PRTG: variants seen among roughly 807,000 people sequenced by gnomAD.
PRTG encodes immunoglobulin superfamily, DCC subclass, member 5.
A neutral mutation model predicts 122.5 loss-of-function variants in PRTG; 67 were observed. That is an observed-to-expected ratio of 0.55 (90% CI 0.45 to 0.67). The LOEUF is 0.67. Among genes scored for constraint, PRTG ranks in the 30% least tolerant of loss-of-function variants. The pLI is 0.00. For missense variants in PRTG, 1,435 were observed against 1,415.4 expected, an observed-to-expected ratio of 1.01 and a Z score of -0.22; for synonymous variants, 554 against 501.1, an observed-to-expected ratio of 1.11 and a Z score of -1.41.
At chr15:55,658,764 T>C (rs2059394040) in intron 11 of PRTG, among the ~76,000 whole-genome samples, 1 of 152,216 alleles carries the variant, frequency 6.6e-6, no homozygotes, top group Non-Finnish European at 1.5e-5. Flanking sequence ...TTAGTATGGG[T>C]GTGTTTAACC....
At chr15:55,659,583 A>G (rs562288849) in intron 11 of PRTG, among the ~76,000 whole-genome samples, 1 of 152,254 alleles carries the variant, frequency 6.6e-6, no homozygotes, top group Non-Finnish European at 1.5e-5. Context: ...TGATTTTATT[A>G]ATGTCTATTT....
intron 2 of PRTG, among the ~76,000 whole-genome samples, chr15:55,693,458 GAA>G (rs112499083): frequency 2.4e-5 from 3 of 126,596 alleles, no homozygotes; most frequent in African/African-American, 2.9e-5. Flanking sequence ...CTCCGTCTCA[GAA>G]AAAAAAAAAA....
intron 2 of PRTG, among the ~76,000 whole-genome samples, chr15:55,729,371 G>A (rs1324973091): frequency 6.6e-6 from 1 of 152,114 alleles, no homozygotes; most frequent in Non-Finnish European, 1.5e-5. Flanking sequence ...GGGGAAATGG[G>A]GAGTGACTGC....
intron 2 of PRTG, among the ~76,000 whole-genome samples, chr15:55,735,978 CCA>C (rs1397690578): frequency 2.0e-5 from 3 of 152,080 alleles, no homozygotes; most frequent in African/African-American, 7.2e-5. Context: ...ATATTGAGAG[CCA>C]ATTTTAAGTT....
Position 55,688,327 on chromosome 15 carries a change from C to T in PRTG, c.398-4396G>A, listed in dbSNP as rs1249850051. Reference sequence around the variant, plus strand: ...CTTCCTGTCTCCCTTTTCAAGGGCTCGCTCTCCCTCCTCTTCTGCCCTTCC... The same window carrying T: ...CTTCCTGTCTCCCTTTTCAAGGGCTTGCTCTCCCTCCTCTTCTGCCCTTCC... On this transcript the variant is annotated intron_variant, in intron 2 of 19. Transcript: ENST00000389286. Among the ~76,000 whole-genome samples, 4 of 152,256 alleles carry T rather than the reference C, an allele frequency of 2.6e-5. No homozygotes were observed. In the East Asian group the frequency reaches 5.8e-4, roughly 22 times the overall value.
chr15:55,625,099 G>C (rs188300513), intron 17 of PRTG, among the ~76,000 whole-genome samples: 1 of 151,216 alleles, frequency 6.6e-6, no homozygotes, highest in Non-Finnish European at 1.5e-5. Context: ...CTAATGACGG[G>C]GATTACCTAA....
intron 9 of PRTG, among the ~76,000 whole-genome samples, 197 bp from the exon 10 acceptor site, chr15:55,673,873 A>T (rs2059487700): frequency 1.3e-5 from 2 of 152,220 alleles, no homozygotes; most frequent in African/African-American, 4.8e-5. Context: ...AAGTGTGTGG[A>T]AACAAAGAAT....
Position 55,704,715 on chromosome 15 carries a change from CAATT to C in PRTG, c.398-20788_398-20785del, listed in dbSNP as rs373141123. Among the ~76,000 whole-genome samples the C allele has an allele frequency of 1.1e-3, 163 of 152,230 alleles. 4 individuals carry two copies. The South Asian group carries it at 0.033, about 31-fold the overall frequency. On this transcript the variant is annotated intron_variant, in intron 2 of 19. Coordinates refer to ENST00000389286, the MANE Select transcript of PRTG (RefSeq NM_173814.6). ...TTTATACAATCATAATTTATAACATCAATTAGTCTACTTATGACATTCAGTCACA... is the reference window on the plus strand; with the variant it reads ...TTTATACAATCATAATTTATAACATCAGTCTACTTATGACATTCAGTCACA...
At chr15:55,688,110 C>G (rs1194073017) in intron 2 of PRTG, among the ~76,000 whole-genome samples, 1 of 152,260 alleles carries the variant, frequency 6.6e-6, no homozygotes, top group Admixed American at 6.5e-5. Context: ...GTTACGTGAT[C>G]CGTCTAGCAG....
intron 11 of PRTG, among the ~76,000 whole-genome samples, chr15:55,651,497 C>G (rs375636912): frequency 1.3e-5 from 2 of 152,120 alleles, no homozygotes; most frequent in Non-Finnish European, 2.9e-5. Flanking sequence ...TACCTTCCCC[C>G]CAATACCATG....
chr15:55,653,463 AT>A (rs66982054), intron 11 of PRTG, among the ~76,000 whole-genome samples: 23,514 of 141,412 alleles, frequency 0.17, 2,442 homozygotes, highest in African/African-American at 0.31. Flanking sequence ...GATCATCTCT[AT>A]TTTTTTTTTT....
At chr15:55,698,537 T>C (rs1349338372) in intron 2 of PRTG, among the ~76,000 whole-genome samples, 2 of 152,122 alleles carry the variant, frequency 1.3e-5, no homozygotes, top group Admixed American at 1.3e-4. Context: ...GCAATCCTCC[T>C]GCCTCAGCCT....
Position 55,620,689 on chromosome 15 carries a change from C to A in PRTG, c.3172G>T (p.Asp1058Tyr), listed in dbSNP as rs771080829. ...NSKKKWFFFQDSKKIQVEQPQ... is the reference protein window; with the variant it reads ...NSKKKWFFFQYSKKIQVEQPQ... ...TGCTCAACTTGTATCTTCTTTGAGT[C>A]TTGGAAAAAAAACCACTTTTTCTTA... Residue 1058 changes from aspartate to tyrosine, a missense_variant, in exon 19 of 20, where the codon GAC becomes TAC. By Grantham distance (160) the Asp-to-Tyr change is radical. Coordinates refer to ENST00000389286, the MANE Select transcript of PRTG (RefSeq NM_173814.6). 2.5e-6 allele frequency: 4 copies of A among 1,597,624 alleles called. No homozygotes were observed. The Admixed American group carries it at 7.3e-5, about 29-fold the overall frequency.
At chr15:55,674,203 G>A (rs757352324) in intron 9 of PRTG, among the ~76,000 whole-genome samples, 1 of 152,196 alleles carries the variant, frequency 6.6e-6, no homozygotes, top group Non-Finnish European at 1.5e-5. Context: ...AGGAAAATGA[G>A]TCAAATACAG....
chr15:55,713,398 T>C (rs901057630), intron 2 of PRTG, among the ~76,000 whole-genome samples: 2 of 152,232 alleles, frequency 1.3e-5, no homozygotes, highest in Admixed American at 1.3e-4. Context: ...AACTTCCCTT[T>C]ATTGCAAAAG....
chr15:55,729,190 A>C (rs2031144693), intron 2 of PRTG, among the ~76,000 whole-genome samples: 1 of 152,250 alleles, frequency 6.6e-6, no homozygotes, highest in Non-Finnish European at 1.5e-5. Flanking sequence ...ATTTGGCCAC[A>C]AAAAGGAATG....
chr15:55,726,932 C>G (rs1328588181), intron 2 of PRTG, among the ~76,000 whole-genome samples: 1 of 138,190 alleles, frequency 7.2e-6, no homozygotes, highest in East Asian at 2.0e-4. Context: ...CAGGCAACAA[C>G]AGAGTAAGAG....
At chr15:55,702,934 T>G (rs1421123167) in intron 2 of PRTG, 1 of 985,224 alleles carries the variant, frequency 1.0e-6, no homozygotes, top group African/African-American at 1.7e-5. Flanking sequence ...TGCAGACACA[T>G]GTCAGTTCCG....
At chr15:55,674,263 G>A (rs1254080421) in intron 9 of PRTG, among the ~76,000 whole-genome samples, 3 of 152,174 alleles carry the variant, frequency 2.0e-5, no homozygotes, top group Non-Finnish European at 4.4e-5. Context: ...GCTTCTCTGT[G>A]TCTGAAACCT....
Sources: gnomAD v4.1 joint callset for allele counts (sites outside exome capture counted in the v4.1 genomes callset) on GRCh38, gnomAD v4.1.1 for gene constraint, MANE v1.5 for transcripts, NCBI Gene and HGNC (gene_info 2026-07-23, HGNC 2026-07-21) for gene names.